TTN: variants seen among roughly 807,000 people sequenced by gnomAD.
TTN encodes connectin.
A neutral mutation model predicts 3,223.0 loss-of-function variants in TTN; 1,525 were observed. The observed-to-expected ratio is 0.47, with a 90% CI of 0.45 to 0.49. TTN has a LOEUF of 0.49. Ranked by LOEUF, TTN falls within the 20% of genes least tolerant of loss-of-function variation. The pLI, the probability that TTN is intolerant of heterozygous loss-of-function variation, is 0.00. For synonymous variants in TTN, 14,094 were observed against 15,161.0 expected, an observed-to-expected ratio of 0.93 and a Z score of 5.17; for missense variants, 40,786 against 43,424.0, an observed-to-expected ratio of 0.94 and a Z score of 5.40.
In TTN at chr2:178,530,461, T is replaced by G. The variant is rs768296130; in HGVS notation, c.106154A>C (p.Lys35385Thr). The change falls in exon 358 of 363, where the codon AAG (lysine) becomes ACG (threonine). Residue 35385 changes from lysine (K) to threonine (T), a missense_variant. Transcript: ENST00000589042. ...MGQAFKSIHE[K>T]VSKISETKKS... ...CTTAGTTTCTGATATTTTTGATACCTTCTCATGGATACTCTTAAAGGCTTG... is the reference window on the plus strand; with the variant it reads ...CTTAGTTTCTGATATTTTTGATACCGTCTCATGGATACTCTTAAAGGCTTG... The G allele has an allele frequency of 3.7e-6, 6 of 1,613,866 alleles. No homozygotes were observed. The highest frequency in any genetic ancestry group is 2.5e-6 in the Non-Finnish European group (3 of 1,179,878).
At chr2:178,704,823 T>A (rs1181958688) in intron 104 of TTN, 46 bp from the exon 105 acceptor site, 18 of 1,609,452 alleles carry the variant, frequency 1.1e-5, no homozygotes, top group Non-Finnish European at 1.5e-5. Flanking sequence ...CCTTCCCTTA[T>A]AATAATACTC....
chr2:178,556,895 C>T lies in TTN; in HGVS notation c.88259G>A (p.Ser29420Asn), dbSNP rs1415733680. The change falls in exon 330 of 363, where the codon AGC becomes AAC. Residue 29420 changes from serine to asparagine, a missense_variant. Coordinates refer to ENST00000589042, the MANE Select transcript of TTN (RefSeq NM_001267550.2). Reference sequence around the variant, plus strand: ...GGGCCCTACAACCTCAGATGGATTGCTAATGGAACCAACAGCATTCCTAGC... The same window carrying T: ...GGGCCCTACAACCTCAGATGGATTGTTAATGGAACCAACAGCATTCCTAGC... Reference protein sequence around the residue: ...VFARNAVGSISNPSEVVGPIT... With the variant: ...VFARNAVGSINNPSEVVGPIT... The T allele has an allele frequency of 1.9e-6, 3 of 1,613,700 alleles. No individual in the cohort carries two copies. Among genetic ancestry groups the T allele is most frequent in the Non-Finnish European group, 2.5e-6 (3 of 1,179,830 alleles).
chr2:178,601,118 C>G lies in TTN; in HGVS notation c.55786G>C (p.Val18596Leu), dbSNP rs777489999. 6.3e-7 allele frequency: 1 copy of G among 1,580,818 alleles called. No individual in the cohort carries two copies. Among genetic ancestry groups the G allele is most frequent in the South Asian group, 1.2e-5 (1 of 84,698 alleles). The change falls in exon 288 of 363, where the codon GTG becomes CTG. Residue 18596 changes from valine to leucine, a missense_variant. Transcript: ENST00000589042. ...TTCGGGGGTTTCCATGACAGATGCACTGTGTTCTTTGTGATGAGGCCAATC... is the reference window on the plus strand; with the variant it reads ...TTCGGGGGTTTCCATGACAGATGCAGTGTGTTCTTTGTGATGAGGCCAATC... ...LKIGLITKNT[V>L]HLSWKPPKND...
intron 354 of TTN, 165 bp from the exon 355 acceptor site, chr2:178,538,082 T>C (rs1400712739): frequency 9.1e-6 from 6 of 659,960 alleles, no homozygotes; most frequent in East Asian, 2.7e-5. Context: ...TAGGATCATA[T>C]GGTAAATAGG....
chr2:178,644,575 C>A lies in TTN; in HGVS notation c.40450G>T (p.Glu13484Ter). Residue 13484 changes from glutamate (E) to a stop codon, truncating the protein, a stop_gained, in exon 218 of 363, where the codon GAA becomes TAA. Transcript: ENST00000589042. LOFTEE classifies it high-confidence loss of function. ...KKVPEKPQVPEKVELTPLKVP... is the reference protein window; with the variant it reads ...KKVPEKPQVP ...TTCAGAGGTGTAAGCTCCACTTTTTCTGGAACCTGAGGTTTTTCAGGAACT... is the reference window on the plus strand; with the variant it reads ...TTCAGAGGTGTAAGCTCCACTTTTTATGGAACCTGAGGTTTTTCAGGAACT... 6.3e-7 allele frequency: 1 copy of A among 1,584,350 alleles called. No homozygotes were observed. The highest frequency in any genetic ancestry group is 2.3e-5 in the East Asian group (1 of 43,284).
chr2:178,723,298 T>A lies in TTN; in HGVS notation c.21709A>T (p.Ser7237Cys). 1.2e-6 allele frequency: 2 copies of A among 1,612,690 alleles called. No individual in the cohort carries two copies. The highest frequency in any genetic ancestry group is 1.7e-6 in the Non-Finnish European group (2 of 1,179,276). Residue 7237 changes from serine (S) to cysteine (C), a missense_variant, in exon 75 of 363, where the codon AGT (serine) becomes TGT (cysteine). Ser to Cys is a moderately radical substitution (Grantham distance 112, BLOSUM62 -1). Coordinates refer to ENST00000589042, the MANE Select transcript of TTN (RefSeq NM_001267550.2). ...TTCCCTGGTTCTACAGAATGATCAC[T>A]TAATCTCTTCAAAAATGCAGCTGGT... The part of the protein sequence containing the change: ...KEPAAFLKRL[S>C]DHSVEPGKSI...
In TTN at chr2:178,576,269, A is replaced by T; in HGVS notation, c.69863T>A (p.Ile23288Lys). 6.2e-6 allele frequency: 10 copies of T among 1,609,224 alleles called. No homozygotes were observed. The highest frequency in any genetic ancestry group is 8.5e-6 in the Non-Finnish European group (10 of 1,178,010). ...GAGGGCGGTTCCTGTGGTATCTTTT[A>T]TCCAGGCCTCGTCTCCTACTTTTTG... ...EHQKVGDEAW[I>K]KDTTGTALRI... The change falls in exon 326 of 363, where the codon ATA (isoleucine) becomes AAA (lysine). Residue 23288 changes from isoleucine (I) to lysine (K), a missense_variant. Transcript: ENST00000589042. This position sits in a 1 kb window ranked among gnomAD's most constrained non-coding sequence, Gnocchi z 4.3.
chr2:178,527,912 A>G (rs1687162296), intron 361 of TTN, 164 bp from the exon 362 acceptor site: 1 of 621,262 alleles, frequency 1.6e-6, no homozygotes, highest in African/African-American at 1.8e-5. Flanking sequence ...TACATTTGTC[A>G]AGAGCTAGCT....
At chr2:178,711,499 G>T in intron 96 of TTN, 150 bp from the exon 97 acceptor site, 1 of 1,038,012 alleles carries the variant, frequency 9.6e-7, no homozygotes, top group East Asian at 2.7e-5. Context: ...ATAAAGAAAA[G>T]CATATAGATT....
intron 99 of TTN, among the ~76,000 whole-genome samples, chr2:178,709,152 A>G (rs1033080735): frequency 2.0e-5 from 3 of 152,200 alleles, no homozygotes; most frequent in Non-Finnish European, 2.9e-5. Flanking sequence ...CTTGGAAAGG[A>G]GAAAGTTTCA....
Position 178,543,291 on chromosome 2 carries a change from A to G in TTN, c.96682T>C (p.Tyr32228His). The part of the protein sequence containing the change: ...TVTLAWEKPL[Y>H]DGGSRLTGYV... ...CCAGTGAGTCGGCTACCACCATCGT[A>G]GAGTGGTTTTTCCCAGGCAAGGGTA... Residue 32228 changes from tyrosine (Y) to histidine (H), a missense_variant, in exon 347 of 363, where the codon TAC becomes CAC. By Grantham distance (83) the Tyr-to-His change is moderately conservative. Transcript: ENST00000589042. The G allele has an allele frequency of 6.2e-7, 1 of 1,613,780 alleles. No homozygotes were observed. Among genetic ancestry groups the G allele is most frequent in the Non-Finnish European group, 8.5e-7 (1 of 1,179,776 alleles).
chr2:178,663,798 C>G, intron 170 of TTN, 21 bp downstream of exon 170: 1 of 1,613,286 alleles, frequency 6.2e-7, no homozygotes, highest in East Asian at 2.2e-5. Context: ...AGATCTGAAG[C>G]CTAAGGTCAG....
At position 178,730,749 on chromosome 2, in the gene TTN, C is replaced by T. The variant is rs752412937; in HGVS notation, c.17784G>A (p.Met5928Ile). The change falls in exon 61 of 363, where the codon ATG becomes ATA. Residue 5928 changes from methionine to isoleucine, a missense_variant. Met to Ile is a conservative substitution (Grantham distance 10, BLOSUM62 1). Transcript: ENST00000589042. Reference sequence around the variant, plus strand: ...CAATGAAAGAACCTTTAATGCTGTCCATTTTCTTCAGCTTTTTGGTGAATG... The same window carrying T: ...CAATGAAAGAACCTTTAATGCTGTCTATTTTCTTCAGCTTTTTGGTGAATG... ...PPSFTKKLKKMDSIKGSFIDL... is the reference protein window; with the variant it reads ...PPSFTKKLKKIDSIKGSFIDL... 6.2e-7 allele frequency: 1 copy of T among 1,608,120 alleles called. No homozygotes were observed. Among genetic ancestry groups the T allele is most frequent in the Non-Finnish European group, 8.5e-7 (1 of 1,175,888 alleles).
At position 178,555,309 on chromosome 2, in the gene TTN, TATAGG is replaced by T. The variant is rs994031270; in HGVS notation, c.88307-162_88307-158del. The T allele has an allele frequency of 4.3e-6, 3 of 695,418 alleles. No individual in the cohort carries two copies. The African/African-American group carries it at 5.5e-5, about 13-fold the overall frequency. The allele number at this position is 695,418 out of a possible 1,614,324, so 43.1% of individuals were successfully genotyped here. A position where few individuals can be genotyped will look rare whatever the true frequency, so the allele number is the denominator to read the frequency against. ...AATTATTATTTAAAAATTAAAAATT[TATAGG>T]CCACTCTTCTATCTCAGATGGGGTA... On this transcript the variant is annotated intron_variant, in intron 330 of 362. Coordinates refer to ENST00000589042, the MANE Select transcript of TTN (RefSeq NM_001267550.2).
chr2:178,772,216 G>A (rs1281645885), intron 33 of TTN, among the ~76,000 whole-genome samples: 1 of 152,076 alleles, frequency 6.6e-6, no homozygotes, highest in Non-Finnish European at 1.5e-5. Flanking sequence ...GTATAAAAAT[G>A]CTGAATCTGA....
In TTN at chr2:178,750,350, A is replaced by G. The variant is rs794729591; in HGVS notation, c.11311+2774T>C. On this transcript the variant is annotated intron_variant, in intron 47 of 362. Transcript: ENST00000589042. ...TACTGTTCCATATTGGTTAAATAGC[A>G]CACAAGTAATAGAACCTTCATTCTG... 1.9e-6 allele frequency: 3 copies of G among 1,613,282 alleles called. No homozygotes were observed. In the South Asian group the frequency reaches 3.3e-5, roughly 18 times the overall value.
Position 178,533,717 on chromosome 2 carries a change from G to A in TTN, c.102898C>T (p.Pro34300Ser). ...GTGTACTTCTTGTCATTGTCACCTGGTTTGATTTTCTGACCTGATTTATAC... is the reference window on the plus strand; with the variant it reads ...GTGTACTTCTTGTCATTGTCACCTGATTTGATTTTCTGACCTGATTTATAC... ...TWYKSGQKIK[P>S]GDNDKKYTFE... Residue 34300 changes from proline to serine, a missense_variant, in exon 358 of 363, where the codon CCA becomes TCA. By Grantham distance (74) the Pro-to-Ser change is moderately conservative. Transcript: ENST00000589042. 6.2e-7 allele frequency: 1 copy of A among 1,613,850 alleles called. No homozygotes were observed. The highest frequency in any genetic ancestry group is 8.5e-7 in the Non-Finnish European group (1 of 1,179,842).
intron 165 of TTN, 124 bp from the exon 166 acceptor site, chr2:178,665,050 A>T: frequency 8.5e-7 from 1 of 1,178,252 alleles, no homozygotes; most frequent in Non-Finnish European, 1.2e-6. Context: ...TTGTTCCACC[A>T]ATAGGCTAAG....
chr2:178,678,339 T>C (rs191823349), intron 144 of TTN, 75 bp downstream of exon 144: 4 of 1,496,734 alleles, frequency 2.7e-6, no homozygotes, highest in Middle Eastern at 1.7e-4. Flanking sequence ...TACAATGTAA[T>C]GGGGAAATTT....
Sources: allele counts gnomAD v4.1 joint callset (sites outside exome capture counted in the v4.1 genomes callset), GRCh38; gene constraint gnomAD v4.1.1; non-coding constraint Gnocchi (gnomAD v3.1); transcripts MANE v1.5; gene names NCBI Gene and HGNC (gene_info 2026-07-23, HGNC 2026-07-21).